The following ZNF365 variants were observed in gnomAD, a reference collection of about 807,000 sequenced individuals.
The protein encoded by ZNF365 is protein ZNF365.
Under a neutral mutation model 35.0 loss-of-function variants are expected in ZNF365, and 22 were observed. The observed-to-expected ratio is 0.63, with a 90% CI of 0.45 to 0.90. The LOEUF is 0.90. Among genes scored for constraint, ZNF365 ranks in the 40% least tolerant of loss-of-function variants. ZNF365 has a pLI of 0.00. For missense variants in ZNF365, 448 were observed against 500.3 expected, an observed-to-expected ratio of 0.90 and a Z score of 1.00; for synonymous variants, 188 against 196.2, an observed-to-expected ratio of 0.96 and a Z score of 0.35.
intron 3 of ZNF365, among the ~76,000 whole-genome samples, chr10:62,394,706 C>T (rs1475365559): frequency 3.9e-5 from 6 of 152,170 alleles, no homozygotes. Flanking sequence ...AACATTATTT[C>T]AGCAAAGACA....
chr10:62,461,276 C>G (rs1401175523), intron 4 of ZNF365, among the ~76,000 whole-genome samples: 2 of 152,230 alleles, frequency 1.3e-5, no homozygotes, highest in Non-Finnish European at 2.9e-5. Flanking sequence ...GGCCAAGAGC[C>G]TAGCGCTGGA....
At chr10:62,419,873 T>C (rs1840138686) in intron 3 of ZNF365, among the ~76,000 whole-genome samples, 1 of 152,194 alleles carries the variant, frequency 6.6e-6, no homozygotes, top group Non-Finnish European at 1.5e-5. Context: ...TTAATTAATG[T>C]TTTATCATTG....
intron 3 of ZNF365, among the ~76,000 whole-genome samples, chr10:62,426,982 T>C (rs1189006890): frequency 6.6e-6 from 1 of 152,186 alleles, no homozygotes; most frequent in African/African-American, 2.4e-5. Flanking sequence ...ATAACAGTCA[T>C]GACCTTTCTG....
chr10:62,477,680 C>G (rs895397431), intron 4 of ZNF365, among the ~76,000 whole-genome samples: 2 of 152,176 alleles, frequency 1.3e-5, no homozygotes. Context: ...ATGCCCATTA[C>G]AGGTCAGCTG....
In ZNF365 at chr10:62,400,573, T is replaced by C; in HGVS notation, c.*784T>C. Reference sequence around the variant, plus strand: ...GGCTGGGGAGCGAAGTAAAATCCTCTTTTGATTAGCACCCAGCATGGGCTG... The same window carrying C: ...GGCTGGGGAGCGAAGTAAAATCCTCCTTTGATTAGCACCCAGCATGGGCTG... On this transcript the variant is annotated 3_prime_UTR_variant, in exon 5 of 5. Coordinates refer to ENST00000395254, the MANE Select transcript of ZNF365 (RefSeq NM_014951.3). 2.0e-6 allele frequency: 2 copies of C among 985,930 alleles called. No individual in the cohort carries two copies. Among genetic ancestry groups the C allele is most frequent in the South Asian group, 9.4e-5 (2 of 21,272 alleles). 61.1% of individuals were successfully genotyped at this position (985,930 alleles called of 1,614,324 possible).
At chr10:62,420,378 A>T (rs1840147842) in intron 3 of ZNF365, among the ~76,000 whole-genome samples, 1 of 152,094 alleles carries the variant, frequency 6.6e-6, no homozygotes, top group Non-Finnish European at 1.5e-5. Context: ...AGTTTGATGG[A>T]GCTTCCACCA....
At chr10:62,475,845 G>A (rs942171434) in intron 4 of ZNF365, among the ~76,000 whole-genome samples, 7 of 152,152 alleles carry the variant, frequency 4.6e-5, no homozygotes, top group South Asian at 4.1e-4. Flanking sequence ...ATCAGGTGCC[G>A]GCAGCTGGGT....
At chr10:62,444,417 G>A (rs932401223) in intron 3 of ZNF365, among the ~76,000 whole-genome samples, 1 of 152,132 alleles carries the variant, frequency 6.6e-6, no homozygotes, top group African/African-American at 2.4e-5. Context: ...TCAAATTACA[G>A]CTTCTGCCAA....
intron 3 of ZNF365, among the ~76,000 whole-genome samples, chr10:62,390,524 C>CA: frequency 6.6e-6 from 1 of 152,120 alleles, no homozygotes; most frequent in Admixed American, 6.5e-5. Flanking sequence ...GAGACATAGC[C>CA]AGTCATTATT....
chr10:62,465,818 G>T (rs1295938695), intron 4 of ZNF365, among the ~76,000 whole-genome samples: 1 of 152,174 alleles, frequency 6.6e-6, no homozygotes, highest in Non-Finnish European at 1.5e-5. Context: ...TTCCTGGCTG[G>T]CTTACTGAGC....
At chr10:62,458,190 T>C (rs570752812) in intron 3 of ZNF365, among the ~76,000 whole-genome samples, 1 of 152,202 alleles carries the variant, frequency 6.6e-6, no homozygotes, top group African/African-American at 2.4e-5. Context: ...AATCTGTTCA[T>C]GTCCAACGTG....
chr10:62,473,756 T>A (rs1310976507), intron 4 of ZNF365, among the ~76,000 whole-genome samples: 1 of 152,166 alleles, frequency 6.6e-6, no homozygotes, highest in Non-Finnish European at 1.5e-5. Context: ...TCGATTAGAA[T>A]GCTTTTCTGG....
intron 3 of ZNF365, among the ~76,000 whole-genome samples, chr10:62,415,093 G>T (rs1295034379): frequency 7.0e-6 from 1 of 142,464 alleles, no homozygotes; most frequent in Admixed American, 7.1e-5. Context: ...TTATTTTTTT[G>T]AACATATTAA....
intron 3 of ZNF365, among the ~76,000 whole-genome samples, chr10:62,409,202 C>G (rs1321583233): frequency 6.6e-6 from 1 of 152,142 alleles, no homozygotes; most frequent in Admixed American, 6.5e-5. Context: ...AAAATCCTGT[C>G]TGGTGATGGA....
intron 4 of ZNF365, among the ~76,000 whole-genome samples, chr10:62,478,938 T>C (rs1841177017): frequency 1.3e-5 from 2 of 152,262 alleles, no homozygotes; most frequent in African/African-American, 4.8e-5. Context: ...CTATTGGTAG[T>C]ACAATGCTTT....
intron 3 of ZNF365, among the ~76,000 whole-genome samples, chr10:62,392,024 T>C (rs1481667944): frequency 6.6e-6 from 1 of 152,242 alleles, no homozygotes; most frequent in East Asian, 1.9e-4. Context: ...TTTTTTCATA[T>C]GTTTGTTGGC....
intron 4 of ZNF365, among the ~76,000 whole-genome samples, chr10:62,473,299 A>C (rs181940881): frequency 1.3e-5 from 2 of 152,330 alleles, no homozygotes; most frequent in Admixed American, 1.3e-4. Context: ...AGGAGACAGT[A>C]AGGAACCTGG....
intron 3 of ZNF365, among the ~76,000 whole-genome samples, chr10:62,431,469 A>G (rs572880974): frequency 2.6e-5 from 4 of 152,110 alleles, no homozygotes; most frequent in Admixed American, 1.3e-4. Context: ...TTATTTTTTT[A>G]ACAGCAACAT....
At position 62,378,089 on chromosome 10, in the gene ZNF365, A is replaced by C. The variant is rs79540747; in HGVS notation, c.743+1153A>C. ...TTTTTAAATTACGTAGTTAGGATGG[A>C]TTTGAATCAGCCTCTGACTTACTTT... On this transcript the variant is annotated intron_variant, in intron 2 of 4. Coordinates refer to ENST00000395254, the MANE Select transcript of ZNF365 (RefSeq NM_014951.3). Among the ~76,000 whole-genome samples the C allele has an allele frequency of 4.9e-4, 74 of 152,302 alleles. No homozygotes were observed. The East Asian group carries it at 0.012, about 25-fold the overall frequency.
Sources: allele counts gnomAD v4.1 joint callset (sites outside exome capture counted in the v4.1 genomes callset), GRCh38; gene constraint gnomAD v4.1.1; transcripts MANE v1.5; gene names NCBI Gene and HGNC (gene_info 2026-07-23, HGNC 2026-07-21).